FOXE3: variants seen among roughly 807,000 people sequenced by gnomAD.
FOXE3 encodes forkhead box protein E3.
For missense variants in FOXE3, 520 were observed against 507.8 expected, an observed-to-expected ratio of 1.02 and a Z score of -0.23; for synonymous variants, 274 against 258.3, an observed-to-expected ratio of 1.06 and a Z score of -0.58.
In FOXE3 at chr1:47,416,752, CG is replaced by C; in HGVS notation, c.438del (p.Leu147TrpfsTer77). 1.2e-6 allele frequency: 2 copies of C among 1,605,686 alleles called. No homozygotes were observed. The highest frequency in any genetic ancestry group is 1.7e-6 in the Non-Finnish European group (2 of 1,176,264). On this transcript the variant is annotated frameshift_variant, in exon 1 of 1. Coordinates refer to ENST00000335071, the MANE Select transcript of FOXE3 (RefSeq NM_012186.3). LOFTEE classifies it low-confidence loss of function (END_TRUNC). The surrounding 1 kb of genome is among the most constrained non-coding windows in gnomAD (Gnocchi z 4.2). ...PGNPGKGNYW[T>X]LDPAAADMFD... ...AACCCGGGCAAGGGCAACTACTGGA[CG>C]CTGGACCCCGCGGCCGCAGACATGT...
Position 47,417,093 on chromosome 1 carries a change from C to T in FOXE3, c.778C>T (p.Pro260Ser). 2.2e-6 allele frequency: 3 copies of T among 1,388,740 alleles called. No homozygotes were observed. Among genetic ancestry groups the T allele is most frequent in the Non-Finnish European group, 2.8e-6 (3 of 1,069,054 alleles). 86.0% of individuals were successfully genotyped at this position (1,388,740 alleles called of 1,614,324 possible). A position where few individuals can be genotyped will look rare whatever the true frequency, so the allele number is the denominator to read the frequency against. ...FPPCAAAASP[P>S]LYSQVPDRLV... ...GCCCTGCGCTGCCGCCGCCTCCCCG[C>T]CACTCTACTCGCAGGTCCCCGACCG... Residue 260 changes from proline (P) to serine (S), a missense_variant, in exon 1 of 1, where the codon CCA (proline) becomes TCA (serine). Pro to Ser is a moderately conservative substitution (Grantham distance 74). Transcript: ENST00000335071. This position sits in a 1 kb window ranked among gnomAD's most constrained non-coding sequence, Gnocchi z 4.3.
At position 47,417,067 on chromosome 1, in the gene FOXE3, C is replaced by A; in HGVS notation, c.752C>A (p.Pro251Gln). 1 of 1,360,942 alleles carries A rather than the reference C, an allele frequency of 7.3e-7. No individual in the cohort carries two copies. Among genetic ancestry groups the A allele is most frequent in the Non-Finnish European group, 9.5e-7 (1 of 1,053,496 alleles). The allele number at this position is 1,360,942 out of a possible 1,614,324, so 84.3% of individuals were successfully genotyped here. A position where few individuals can be genotyped will look rare whatever the true frequency, so the allele number is the denominator to read the frequency against. The change falls in exon 1 of 1, where the codon CCG becomes CAG. Residue 251 changes from proline (P) to glutamine (Q), a missense_variant. Coordinates refer to ENST00000335071, the MANE Select transcript of FOXE3 (RefSeq NM_012186.3). This position sits in a 1 kb window ranked among gnomAD's most constrained non-coding sequence, Gnocchi z 4.3. ...CCCGACGCCGCAGCCGCAGCCTTCC[C>A]GCCCTGCGCTGCCGCCGCCTCCCCG... ...AAPDAAAAAF[P>Q]PCAAAASPPL... is the part of the protein sequence containing the mutation.
In FOXE3 at chr1:47,417,062, C is replaced by A; in HGVS notation, c.747C>A (p.Ala249=). The change falls in exon 1 of 1, where the codon GCC becomes GCA. Residue 249 remains alanine (A), a synonymous_variant. Coordinates refer to ENST00000335071, the MANE Select transcript of FOXE3 (RefSeq NM_012186.3). The surrounding 1 kb of genome is among the most constrained non-coding windows in gnomAD (Gnocchi z 4.3). The part of the protein sequence containing the change: ...CCAAPDAAAA[A]FPPCAAAASP... ...CCGCGCCCGACGCCGCAGCCGCAGCCTTCCCGCCCTGCGCTGCCGCCGCCT... is the reference window on the plus strand; with the variant it reads ...CCGCGCCCGACGCCGCAGCCGCAGCATTCCCGCCCTGCGCTGCCGCCGCCT... 1 of 1,357,872 alleles carries A rather than the reference C, an allele frequency of 7.4e-7. No individual in the cohort carries two copies. The highest frequency in any genetic ancestry group is 2.8e-5 in the Admixed American group (1 of 35,180). 84.1% of individuals were successfully genotyped at this position (1,357,872 alleles called of 1,614,324 possible).
Position 47,417,340 on chromosome 1 carries a change from C to G in FOXE3, c.*65C>G. ...CCGGACCTGCGGCGCCGCCCTCGAG[C>G]GCCCCATCTCTACCCCCCACCCTGG... On this transcript the variant is annotated 3_prime_UTR_variant, in exon 1 of 1. Coordinates refer to ENST00000335071, the MANE Select transcript of FOXE3 (RefSeq NM_012186.3). The surrounding 1 kb of genome is among the most constrained non-coding windows in gnomAD (Gnocchi z 4.3). The G allele has an allele frequency of 2.4e-6, 3 of 1,255,444 alleles. No homozygotes were observed. Among genetic ancestry groups the G allele is most frequent in the Non-Finnish European group, 3.0e-6 (3 of 986,570 alleles). 77.8% of individuals were successfully genotyped at this position (1,255,444 alleles called of 1,614,324 possible).
At position 47,416,735 on chromosome 1, in the gene FOXE3, C is replaced by T. The variant is rs1352061807; in HGVS notation, c.420C>T (p.Gly140=). The T allele has an allele frequency of 1.9e-6, 3 of 1,609,260 alleles. No individual in the cohort carries two copies. The highest frequency in any genetic ancestry group is 2.5e-6 in the Non-Finnish European group (3 of 1,177,794). Reference sequence around the variant, plus strand: ...TGCCCCGCGAGCCGGGCAACCCGGGCAAGGGCAACTACTGGACGCTGGACC... The same window carrying T: ...TGCCCCGCGAGCCGGGCAACCCGGGTAAGGGCAACTACTGGACGCTGGACC... ...VKVPREPGNP[G]KGNYWTLDPA... Residue 140 remains glycine, a synonymous_variant, in exon 1 of 1, where the codon GGC becomes GGT. Coordinates refer to ENST00000335071, the MANE Select transcript of FOXE3 (RefSeq NM_012186.3). This position sits in a 1 kb window ranked among gnomAD's most constrained non-coding sequence, Gnocchi z 4.2.
Position 47,416,583 on chromosome 1 carries a change from C to G in FOXE3, c.268C>G (p.Arg90Gly), listed in dbSNP as rs1319970261. The change falls in exon 1 of 1, where the codon CGC (arginine) becomes GGC (glycine). Residue 90 changes from arginine (R) to glycine (G), a missense_variant. Transcript: ENST00000335071. This position sits in a 1 kb window ranked among gnomAD's most constrained non-coding sequence, Gnocchi z 4.2. ...CATGGCTCTGGCGCACGCCCCGGGC[C>G]GCCGCCTCACGCTGGCCGCCATCTA... is the stretch of plus-strand genomic sequence containing the variant. ...IAMALAHAPG[R>G]RLTLAAIYRF... is the part of the protein sequence containing the mutation. The G allele has an allele frequency of 1.9e-6, 3 of 1,606,604 alleles. No homozygotes were observed. Among genetic ancestry groups the G allele is most frequent in the Non-Finnish European group, 2.5e-6 (3 of 1,176,478 alleles).
At position 47,416,781 on chromosome 1, in the gene FOXE3, G is replaced by C; in HGVS notation, c.466G>C (p.Asp156His). 6.3e-7 allele frequency: 1 copy of C among 1,597,732 alleles called. No homozygotes were observed. The highest frequency in any genetic ancestry group is 8.5e-7 in the Non-Finnish European group (1 of 1,172,928). The change falls in exon 1 of 1, where the codon GAC (aspartate) becomes CAC (histidine). Residue 156 changes from aspartate (D) to histidine (H), a missense_variant. Asp to His is a moderately conservative substitution (Grantham distance 81, BLOSUM62 -1). Coordinates refer to ENST00000335071, the MANE Select transcript of FOXE3 (RefSeq NM_012186.3). This position sits in a 1 kb window ranked among gnomAD's most constrained non-coding sequence, Gnocchi z 4.2. ...GGACCCCGCGGCCGCAGACATGTTC[G>C]ACAACGGCAGCTTCCTGCGGCGCCG... ...TLDPAAADMFDNGSFLRRRKR... is the reference protein window; with the variant it reads ...TLDPAAADMFHNGSFLRRRKR...
Position 47,416,941 on chromosome 1 carries a change from GC to G in FOXE3, c.630del (p.Ser211ArgfsTer13). 3.0e-6 allele frequency: 4 copies of G among 1,330,370 alleles called. No individual in the cohort carries two copies. The highest frequency in any genetic ancestry group is 2.9e-6 in the Non-Finnish European group (3 of 1,032,744). 82.4% of individuals were successfully genotyped at this position (1,330,370 alleles called of 1,614,324 possible). On this transcript the variant is annotated frameshift_variant, in exon 1 of 1. Coordinates refer to ENST00000335071, the MANE Select transcript of FOXE3 (RefSeq NM_012186.3). LOFTEE classifies it low-confidence loss of function (END_TRUNC). The surrounding 1 kb of genome is among the most constrained non-coding windows in gnomAD (Gnocchi z 4.2). Reference sequence around the variant, plus strand: ...GTGCCGCCGCCTTCTGCCGGACCGGGCCCCTCGCCGCCCGCGCGTCTGTTCA... The same window carrying G: ...GTGCCGCCGCCTTCTGCCGGACCGGGCCCTCGCCGCCCGCGCGTCTGTTCA... ...LLVPPPSAGP[G>X]PSPPARLFSV...
rs968127833 is a variant in FOXE3, at chr1:47,417,548, GC to G, written c.*279del. Reference sequence around the variant, plus strand: ...TTGTGAGCGCCCCCAGCTTTGCGGCGCCCCCCACCCCAGCGCTGTCTGTGGG... The same window carrying G: ...TTGTGAGCGCCCCCAGCTTTGCGGCGCCCCCACCCCAGCGCTGTCTGTGGG... On this transcript the variant is annotated 3_prime_UTR_variant, in exon 1 of 1. Coordinates refer to ENST00000335071, the MANE Select transcript of FOXE3 (RefSeq NM_012186.3). This position sits in a 1 kb window ranked among gnomAD's most constrained non-coding sequence, Gnocchi z 4.3. 1.9e-5 allele frequency: 6 copies of G among 317,934 alleles called. No individual in the cohort carries two copies. In the East Asian group the frequency reaches 2.6e-4, roughly 14 times the overall value. 19.7% of individuals were successfully genotyped at this position (317,934 alleles called of 1,614,324 possible). A position where few individuals can be genotyped will look rare whatever the true frequency, so the allele number is the denominator to read the frequency against.
chr1:47,417,581 G>T lies in FOXE3; in HGVS notation c.*306G>T. On this transcript the variant is annotated 3_prime_UTR_variant, in exon 1 of 1. Transcript: ENST00000335071. The surrounding 1 kb of genome is among the most constrained non-coding windows in gnomAD (Gnocchi z 4.3). Reference sequence around the variant, plus strand: ...CCCCAGCGCTGTCTGTGGGTCCCTTGCCCCGGAGCTGACTCGCCTCCAGTG... The same window carrying T: ...CCCCAGCGCTGTCTGTGGGTCCCTTTCCCCGGAGCTGACTCGCCTCCAGTG... The T allele has an allele frequency of 3.6e-6, 1 of 276,768 alleles. No homozygotes were observed. Among genetic ancestry groups the T allele is most frequent in the Non-Finnish European group, 7.2e-6 (1 of 139,346 alleles). 17.1% of individuals were successfully genotyped at this position (276,768 alleles called of 1,614,324 possible).
At position 47,416,873 on chromosome 1, in the gene FOXE3, CCCCTACGCG is replaced by C. The variant is rs768610152; in HGVS notation, c.571_579del (p.Tyr191_Pro193del). The C allele has an allele frequency of 1.4e-5, 19 of 1,362,580 alleles. No individual in the cohort carries two copies. Among genetic ancestry groups the C allele is most frequent in the South Asian group, 1.8e-5 (1 of 56,456 alleles). 84.4% of individuals were successfully genotyped at this position (1,362,580 alleles called of 1,614,324 possible). ...CGGCGCCAGGGCCGCCGCTCCCCTTCCCCTACGCGCCCTACGCGCCCGCGCCCGGCCCCG... is the reference window on the plus strand; with the variant it reads ...CGGCGCCAGGGCCGCCGCTCCCCTTCCCCTACGCGCCCGCGCCCGGCCCCG... On this transcript the variant is annotated inframe_deletion, in exon 1 of 1. Coordinates refer to ENST00000335071, the MANE Select transcript of FOXE3 (RefSeq NM_012186.3). This position sits in a 1 kb window ranked among gnomAD's most constrained non-coding sequence, Gnocchi z 4.2.
chr1:47,416,451 G>C lies in FOXE3; in HGVS notation c.136G>C (p.Ala46Pro), dbSNP rs2124041671. Residue 46 changes from alanine (A) to proline (P), a missense_variant, in exon 1 of 1, where the codon GCT becomes CCT. Transcript: ENST00000335071. This position sits in a 1 kb window ranked among gnomAD's most constrained non-coding sequence, Gnocchi z 4.2. ...EPGREPEEAA[A>P]GRGEAAPTPA... Reference sequence around the variant, plus strand: ...AGGGCGGGAGCCAGAGGAGGCGGCGGCTGGCCGCGGAGAGGCGGCCCCCAC... The same window carrying C: ...AGGGCGGGAGCCAGAGGAGGCGGCGCCTGGCCGCGGAGAGGCGGCCCCCAC... 5.4e-6 allele frequency: 6 copies of C among 1,117,700 alleles called. No individual in the cohort carries two copies. The highest frequency in any genetic ancestry group is 6.6e-6 in the Non-Finnish European group (6 of 914,686). 69.2% of individuals were successfully genotyped at this position (1,117,700 alleles called of 1,614,324 possible). A position where few individuals can be genotyped will look rare whatever the true frequency, so the allele number is the denominator to read the frequency against.
In FOXE3 at chr1:47,417,234, A is replaced by G; in HGVS notation, c.919A>G (p.Arg307Gly). ...GPLSPGEAYL[R>G]QPGFASGLER... Reference sequence around the variant, plus strand: ...GCTCAGCCCTGGGGAGGCCTACCTGAGGCAGCCGGGCTTCGCGTCGGGGCT... The same window carrying G: ...GCTCAGCCCTGGGGAGGCCTACCTGGGGCAGCCGGGCTTCGCGTCGGGGCT... Residue 307 changes from arginine to glycine, a missense_variant, in exon 1 of 1, where the codon AGG (arginine) becomes GGG (glycine). Arg to Gly is a moderately radical substitution (Grantham distance 125). Transcript: ENST00000335071. The surrounding 1 kb of genome is among the most constrained non-coding windows in gnomAD (Gnocchi z 4.3). The G allele has an allele frequency of 7.4e-7, 1 of 1,355,494 alleles. No individual in the cohort carries two copies. The highest frequency in any genetic ancestry group is 9.4e-7 in the Non-Finnish European group (1 of 1,060,404). The allele number at this position is 1,355,494 out of a possible 1,614,324, so 84.0% of individuals were successfully genotyped here.
At position 47,416,908 on chromosome 1, in the gene FOXE3, C is replaced by T; in HGVS notation, c.593C>T (p.Ala198Val). Residue 198 changes from alanine (A) to valine (V), a missense_variant, in exon 1 of 1, where the codon GCG becomes GTG. Coordinates refer to ENST00000335071, the MANE Select transcript of FOXE3 (RefSeq NM_012186.3). This position sits in a 1 kb window ranked among gnomAD's most constrained non-coding sequence, Gnocchi z 4.2. ...YAPYAPAPGP[A>V]LLVPPPSAGP... ...CCCTACGCGCCCGCGCCCGGCCCCG[C>T]GCTGCTGGTGCCGCCGCCTTCTGCC... The T allele has an allele frequency of 7.6e-7, 1 of 1,318,146 alleles. No individual in the cohort carries two copies. Among genetic ancestry groups the T allele is most frequent in the Non-Finnish European group, 9.7e-7 (1 of 1,026,000 alleles). 81.7% of individuals were successfully genotyped at this position (1,318,146 alleles called of 1,614,324 possible).
At position 47,416,637 on chromosome 1, in the gene FOXE3, T is replaced by C; in HGVS notation, c.322T>C (p.Tyr108His). 6.2e-7 allele frequency: 1 copy of C among 1,610,460 alleles called. No homozygotes were observed. Among genetic ancestry groups the C allele is most frequent in the Non-Finnish European group, 8.5e-7 (1 of 1,178,282 alleles). ...CTTCATCACCGAACGCTTTGCCTTC[T>C]ACCGCGACAGCCCGCGCAAGTGGCA... ...YRFITERFAFYRDSPRKWQNS... is the reference protein window; with the variant it reads ...YRFITERFAFHRDSPRKWQNS... Residue 108 changes from tyrosine (Y) to histidine (H), a missense_variant, in exon 1 of 1, where the codon TAC (tyrosine) becomes CAC (histidine). Physicochemically the swap from Tyr to His is moderately conservative, Grantham distance 83. Transcript: ENST00000335071. The surrounding 1 kb of genome is among the most constrained non-coding windows in gnomAD (Gnocchi z 4.2).
chr1:47,416,556 G>T lies in FOXE3; in HGVS notation c.241G>T (p.Ala81Ser). 1 of 1,588,712 alleles carries T rather than the reference G, an allele frequency of 6.3e-7. No individual in the cohort carries two copies. ...KPPYSYIALI[A>S]MALAHAPGRR... The stretch of plus-strand genomic sequence containing the variant: ...GCCCTACTCGTACATCGCGCTCATC[G>T]CCATGGCTCTGGCGCACGCCCCGGG... The change falls in exon 1 of 1, where the codon GCC (alanine) becomes TCC (serine). Residue 81 changes from alanine (A) to serine (S), a missense_variant. Transcript: ENST00000335071. This position sits in a 1 kb window ranked among gnomAD's most constrained non-coding sequence, Gnocchi z 4.2.
rs963232013 is a variant in FOXE3 at position 47,417,558 on chromosome 1, C to T, written c.*283C>T. ...CCCCAGCTTTGCGGCGCCCCCCACC[C>T]CAGCGCTGTCTGTGGGTCCCTTGCC... On this transcript the variant is annotated 3_prime_UTR_variant, in exon 1 of 1. Transcript: ENST00000335071. This position sits in a 1 kb window ranked among gnomAD's most constrained non-coding sequence, Gnocchi z 4.3. The T allele has an allele frequency of 2.3e-5, 7 of 309,690 alleles. No homozygotes were observed. 19.2% of individuals were successfully genotyped at this position (309,690 alleles called of 1,614,324 possible).
In FOXE3 at chr1:47,416,871, T is replaced by A; in HGVS notation, c.556T>A (p.Phe186Ile). ...CGCGGCGCCAGGGCCGCCGCTCCCC[T>A]TCCCCTACGCGCCCTACGCGCCCGC... ...AAAAPGPPLPFPYAPYAPAPG... is the reference protein window; with the variant it reads ...AAAAPGPPLPIPYAPYAPAPG... The change falls in exon 1 of 1, where the codon TTC becomes ATC. Residue 186 changes from phenylalanine to isoleucine, a missense_variant. Coordinates refer to ENST00000335071, the MANE Select transcript of FOXE3 (RefSeq NM_012186.3). This position sits in a 1 kb window ranked among gnomAD's most constrained non-coding sequence, Gnocchi z 4.2. 7.2e-7 allele frequency: 1 copy of A among 1,391,028 alleles called. No homozygotes were observed. The highest frequency in any genetic ancestry group is 9.3e-7 in the Non-Finnish European group (1 of 1,069,622). 86.2% of individuals were successfully genotyped at this position (1,391,028 alleles called of 1,614,324 possible). A position where few individuals can be genotyped will look rare whatever the true frequency, so the allele number is the denominator to read the frequency against.
chr1:47,416,800 G>C lies in FOXE3; in HGVS notation c.485G>C (p.Arg162Pro). The C allele has an allele frequency of 6.3e-7, 1 of 1,588,418 alleles. No individual in the cohort carries two copies. Among genetic ancestry groups the C allele is most frequent in the Non-Finnish European group, 8.6e-7 (1 of 1,168,826 alleles). ...ATGTTCGACAACGGCAGCTTCCTGC[G>C]GCGCCGCAAGCGCTTCAAGCGCGCC... ...ADMFDNGSFL[R>P]RRKRFKRAEL... The change falls in exon 1 of 1, where the codon CGG becomes CCG. Residue 162 changes from arginine to proline, a missense_variant. By Grantham distance (103) the Arg-to-Pro change is moderately radical. Transcript: ENST00000335071. The surrounding 1 kb of genome is among the most constrained non-coding windows in gnomAD (Gnocchi z 4.2).
Sources: gnomAD v4.1 joint callset for allele counts on GRCh38, gnomAD v4.1.1 for gene constraint, Gnocchi (gnomAD v3.1) non-coding constraint, MANE v1.5 for transcripts, NCBI Gene and HGNC (gene_info 2026-07-23, HGNC 2026-07-21) for gene names.